The following NR1D2 variants were observed in gnomAD, a reference collection of about 807,000 sequenced individuals.
NR1D2 encodes nuclear receptor subfamily 1 group D member 2.
NR1D2 carries 25 observed loss-of-function variants against 52.2 expected under a neutral mutation model. That is an observed-to-expected ratio of 0.48 (90% confidence interval 0.35 to 0.67). NR1D2 has a LOEUF of 0.67. Ranked by LOEUF, NR1D2 falls within the 30% of genes least tolerant of loss-of-function variation. The pLI, the probability that NR1D2 is intolerant of heterozygous loss-of-function variation, is 0.01. For missense variants in NR1D2, 681 were observed against 707.2 expected, an observed-to-expected ratio of 0.96 and a Z score of 0.42; for synonymous variants, 259 against 230.1, an observed-to-expected ratio of 1.13 and a Z score of -1.14.
intron 3 of NR1D2, among the ~76,000 whole-genome samples, chr3:23,958,711 G>A (rs1223627347): frequency 6.6e-6 from 1 of 150,770 alleles, no homozygotes; most frequent in Admixed American, 6.6e-5. Context: ...ACTTTGGGAG[G>A]CCAAGGTGGG....
In NR1D2 at chr3:23,965,023, G is replaced by T; in HGVS notation, c.1193G>T (p.Gly398Val). The T allele has an allele frequency of 6.2e-7, 1 of 1,613,794 alleles. No individual in the cohort carries two copies. The highest frequency in any genetic ancestry group is 8.5e-7 in the Non-Finnish European group (1 of 1,179,814). The change falls in exon 6 of 8, where the codon GGA becomes GTA. Residue 398 changes from glycine (G) to valine (V), a missense_variant. Gly to Val is a moderately radical substitution (Grantham distance 109). This residue lies in a region of NR1D2 where 475 missense variants were observed against 454.5 expected (regional missense o/e 1.05). Coordinates refer to ENST00000312521, the MANE Select transcript of NR1D2 (RefSeq NM_005126.5). ...CCATATGTGGATCCTCATAAATCAG[G>T]ACATGAAATCTGGGAAGAATTTTCG... ...KSPYVDPHKS[G>V]HEIWEEFSMS...
Position 23,977,259 on chromosome 3 carries a change from C to G in NR1D2, c.1580C>G (p.Ala527Gly). Residue 527 changes from alanine to glycine, a missense_variant, in exon 8 of 8, where the codon GCT (alanine) becomes GGT (glycine). Physicochemically the swap from Ala to Gly is moderately conservative, Grantham distance 60. Transcript: ENST00000312521. Reference sequence around the variant, plus strand: ...ATAGAAAACGTCAACTCTGTGGAGGCTTTGCAGGAAACTCTCATTCGTGCA... The same window carrying G: ...ATAGAAAACGTCAACTCTGTGGAGGGTTTGCAGGAAACTCTCATTCGTGCA... ...SGIENVNSVE[A>G]LQETLIRALR... 1 of 1,608,812 alleles carries G rather than the reference C, an allele frequency of 6.2e-7. No homozygotes were observed. Among genetic ancestry groups the G allele is most frequent in the Non-Finnish European group, 8.5e-7 (1 of 1,177,822 alleles).
chr3:23,977,006 T>G (rs1327736240), intron 7 of NR1D2, among the ~76,000 whole-genome samples: 1 of 70,872 alleles, frequency 1.4e-5, no homozygotes, highest in Non-Finnish European at 3.3e-5. Context: ...TTTTGATTGA[T>G]CAAATGTTTT....
At chr3:23,956,688 G>A (rs945681553) in intron 3 of NR1D2, among the ~76,000 whole-genome samples, 2 of 152,160 alleles carry the variant, frequency 1.3e-5, no homozygotes, top group Non-Finnish European at 2.9e-5. Context: ...AAGTTTAGTT[G>A]ACTATTTTCT....
chr3:23,962,404 G>C lies in NR1D2; in HGVS notation c.945G>C (p.Gln315His). The C allele has an allele frequency of 6.2e-7, 1 of 1,614,154 alleles. No homozygotes were observed. The highest frequency in any genetic ancestry group is 2.2e-5 in the East Asian group (1 of 44,884). Residue 315 changes from glutamine to histidine, a missense_variant, in exon 5 of 8, where the codon CAG (glutamine) becomes CAC (histidine). Transcript: ENST00000312521. The part of the protein sequence containing the change: ...LSSHFPCSES[Q>H]QHLNGQFKGR... Reference sequence around the variant, plus strand: ...GCCATTTTCCCTGTAGTGAGAGCCAGCAGCATCTCAATGGACAGTTCAAAG... The same window carrying C: ...GCCATTTTCCCTGTAGTGAGAGCCACCAGCATCTCAATGGACAGTTCAAAG...
intron 5 of NR1D2, among the ~76,000 whole-genome samples, chr3:23,963,691 C>G (rs1706358948): frequency 6.6e-6 from 1 of 152,110 alleles, no homozygotes; most frequent in Admixed American, 6.5e-5. Context: ...TCAAGTGATT[C>G]ACCCACCTCG....
In NR1D2 at chr3:23,954,822, C is replaced by G. The variant is rs200661316; in HGVS notation, c.283+19C>G. 35 of 1,606,484 alleles carry G rather than the reference C, an allele frequency of 2.2e-5. No individual in the cohort carries two copies. In the East Asian group the frequency reaches 7.2e-4, roughly 33 times the overall value. On this transcript the variant is annotated intron_variant, in intron 2 of 7. Transcript: ENST00000312521. Reference sequence around the variant, plus strand: ...GTGACAAGTAAGTTACTTTGGTTTTCTAAAGATTGCTGCCATTAATTGCAA... The same window carrying G: ...GTGACAAGTAAGTTACTTTGGTTTTGTAAAGATTGCTGCCATTAATTGCAA...
rs559972702 is a variant in NR1D2 at position 23,962,535 on chromosome 3, C to T, written c.1076C>T (p.Pro359Leu). The T allele has an allele frequency of 1.7e-5, 27 of 1,613,514 alleles. No homozygotes were observed. The highest frequency in any genetic ancestry group is 4.5e-5 in the East Asian group (2 of 44,878). Residue 359 changes from proline to leucine, a missense_variant, in exon 5 of 8, where the codon CCG becomes CTG. This residue lies in a region of NR1D2 where 475 missense variants were observed against 454.5 expected (regional missense o/e 1.05). Coordinates refer to ENST00000312521, the MANE Select transcript of NR1D2 (RefSeq NM_005126.5). ...ACTCAAAGAGTATGTGATAGAGTTCCGATAGATGGATTTTCTCAGAATGAG... is the reference window on the plus strand; with the variant it reads ...ACTCAAAGAGTATGTGATAGAGTTCTGATAGATGGATTTTCTCAGAATGAG... ...AYTQRVCDRV[P>L]IDGFSQNENK...
chr3:23,972,412 C>T (rs1300448560), intron 7 of NR1D2, among the ~76,000 whole-genome samples: 1 of 152,170 alleles, frequency 6.6e-6, no homozygotes, highest in African/African-American at 2.4e-5. Context: ...TGATGTTTGC[C>T]TGTAAGATTG....
chr3:23,949,278 T>C (rs997190057), intron 1 of NR1D2, among the ~76,000 whole-genome samples: 2 of 151,772 alleles, frequency 1.3e-5, no homozygotes, highest in Non-Finnish European at 2.9e-5. Context: ...GGCAGGAGAA[T>C]CGCTTGAACC....
intron 3 of NR1D2, among the ~76,000 whole-genome samples, chr3:23,957,762 A>T (rs942918676): frequency 2.0e-5 from 3 of 152,054 alleles, no homozygotes; most frequent in Non-Finnish European, 2.9e-5. Flanking sequence ...GGAAGGCATT[A>T]TTCTTACTTT....
chr3:23,969,228 G>C (rs766593672), intron 7 of NR1D2, among the ~76,000 whole-genome samples: 71 of 151,544 alleles, frequency 4.7e-4, no homozygotes, highest in Non-Finnish European at 7.4e-5. Context: ...AGAGGTGGCC[G>C]TGAGCCGAGA....
At chr3:23,958,455 G>T (rs1706142883) in intron 3 of NR1D2, among the ~76,000 whole-genome samples, 1 of 151,904 alleles carries the variant, frequency 6.6e-6, no homozygotes, top group Non-Finnish European at 1.5e-5. Context: ...GACCCACCTG[G>T]GCAACATAGG....
In NR1D2 at chr3:23,946,026, CGGGGGCGCGCGCGCGCGCGCTGGCT is replaced by C. The variant is rs908996374; in HGVS notation, c.16+436_16+460del. On this transcript the variant is annotated intron_variant, in intron 1 of 7. Coordinates refer to ENST00000312521, the MANE Select transcript of NR1D2 (RefSeq NM_005126.5). Reference sequence around the variant, plus strand: ...CCGGGGCCGCAGGGACACGTGGGGGCGGGGGCGCGCGCGCGCGCGCTGGCTGGGAGCGCCGCAGCCTCCCGGGAGG... The same window carrying C: ...CCGGGGCCGCAGGGACACGTGGGGGCGGGAGCGCCGCAGCCTCCCGGGAGG... The C allele has an allele frequency of 3.6e-6, 3 of 822,498 alleles. No individual in the cohort carries two copies. In the African/African-American group the frequency reaches 5.6e-5, roughly 15 times the overall value. The allele number at this position is 822,498 out of a possible 1,614,324, so 50.9% of individuals were successfully genotyped here.
rs1358061732 is a variant in NR1D2 at position 23,977,521 on chromosome 3, A to G, written c.*102A>G. ...ATATGTGGAGATAGAAAAGACCTTT[A>G]AGACAATAAAAGATTGTAGGCTATC... is the stretch of plus-strand genomic sequence containing the variant. On this transcript the variant is annotated 3_prime_UTR_variant, in exon 8 of 8. Coordinates refer to ENST00000312521, the MANE Select transcript of NR1D2 (RefSeq NM_005126.5). The G allele has an allele frequency of 1.1e-5, 7 of 664,882 alleles. No homozygotes were observed. The highest frequency in any genetic ancestry group is 9.1e-5 in the African/African-American group (5 of 54,738). The allele number at this position is 664,882 out of a possible 1,614,324, so 41.2% of individuals were successfully genotyped here. A position where few individuals can be genotyped will look rare whatever the true frequency, so the allele number is the denominator to read the frequency against.
At chr3:23,962,661 T>G in intron 5 of NR1D2, 56 bp downstream of exon 5, 1 of 1,509,712 alleles carries the variant, frequency 6.6e-7, no homozygotes, top group Non-Finnish European at 8.9e-7. Flanking sequence ...TTGAAAATTT[T>G]CTTTTATTCG....
intron 7 of NR1D2, among the ~76,000 whole-genome samples, chr3:23,970,111 A>G (rs1179815783): frequency 2.6e-5 from 4 of 152,242 alleles, no homozygotes; most frequent in Non-Finnish European, 5.9e-5. Flanking sequence ...GATCTGGTTG[A>G]ACAAAGTGAT....
intron 7 of NR1D2, among the ~76,000 whole-genome samples, chr3:23,975,289 A>AC: frequency 7.0e-6 from 1 of 142,940 alleles, no homozygotes; most frequent in East Asian, 2.0e-4. Flanking sequence ...ATTCAATTAA[A>AC]TTTTTTTTTT....
At chr3:23,947,632 A>C (rs1189993465) in intron 1 of NR1D2, among the ~76,000 whole-genome samples, 1 of 152,188 alleles carries the variant, frequency 6.6e-6, no homozygotes, top group Non-Finnish European at 1.5e-5. Flanking sequence ...AGGACCTTTC[A>C]CGTGAACTAT....
Sources: gnomAD v4.1 joint callset for allele counts (sites outside exome capture counted in the v4.1 genomes callset) on GRCh38, gnomAD v4.1.1 for gene constraint, gnomAD v4.1.1 regional missense constraint, MANE v1.5 for transcripts, NCBI Gene and HGNC (gene_info 2026-07-23, HGNC 2026-07-21) for gene names.